Variants in PPM1E observed in about 807,000 individuals in gnomAD.
PPM1E encodes the protein protein phosphatase 1E.
PPM1E carries 20 observed loss-of-function variants against 65.9 expected under a neutral mutation model. The observed-to-expected ratio is 0.30, with a 90% CI of 0.21 to 0.44. PPM1E has a LOEUF of 0.44. Ranked by LOEUF, PPM1E falls within the 20% of genes least tolerant of loss-of-function variation. The probability of loss-of-function intolerance (pLI) is 1.00; values close to 1 mark genes in which losing one functional copy is unlikely to be tolerated. For missense variants in PPM1E, 713 were observed against 953.1 expected (o/e 0.75, Z 3.32); for synonymous variants, 352 against 374.9 (o/e 0.94, Z 0.70).
At chr17:58,818,817 T>G (rs1194442028) in intron 1 of PPM1E, among the ~76,000 whole-genome samples, 1 of 152,236 alleles carries the variant, frequency 6.6e-6, no homozygotes, top group African/African-American at 2.4e-5. Context: ...GTGATAGTGC[T>G]TGGTACATAA....
At chr17:58,769,920 A>G (rs975235421) in intron 1 of PPM1E, among the ~76,000 whole-genome samples, 30 of 152,138 alleles carry the variant, frequency 2.0e-4, no homozygotes, top group African/African-American at 7.2e-4. Context: ...CCAGCTATTC[A>G]GGAGGTTGAG....
chr17:58,966,469 A>G (rs1175090439), intron 3 of PPM1E: 3 of 240,454 alleles, frequency 1.2e-5, no homozygotes, highest in African/African-American at 4.7e-5. Context: ...GTATAATCAA[A>G]TGGTGTATTA....
intron 1 of PPM1E, among the ~76,000 whole-genome samples, chr17:58,822,429 C>G (rs2050490874): frequency 6.6e-6 from 1 of 151,638 alleles, no homozygotes; most frequent in African/African-American, 2.4e-5. Flanking sequence ...TACCAGCTGA[C>G]TTCTGATTCT....
At chr17:58,974,644 T>C (rs1045450222) in intron 6 of PPM1E, among the ~76,000 whole-genome samples, 1 of 152,234 alleles carries the variant, frequency 6.6e-6, no homozygotes, top group Non-Finnish European at 1.5e-5. Context: ...GTACATTACA[T>C]GTATACTGCA....
chr17:58,908,150 C>T (rs1397098211), intron 1 of PPM1E, among the ~76,000 whole-genome samples: 2 of 151,750 alleles, frequency 1.3e-5, no homozygotes, highest in Non-Finnish European at 2.9e-5. Context: ...GGCACGATCT[C>T]AGCTCACTGC....
chr17:58,973,428 A>G (rs1360862637), intron 6 of PPM1E, among the ~76,000 whole-genome samples: 3 of 151,694 alleles, frequency 2.0e-5, no homozygotes, highest in Admixed American at 6.6e-5. Context: ...AAAAAAAAAA[A>G]AGAGAACCAT....
intron 1 of PPM1E, among the ~76,000 whole-genome samples, chr17:58,803,547 A>G (rs2050278379): frequency 6.6e-6 from 1 of 152,214 alleles, no homozygotes; most frequent in Non-Finnish European, 1.5e-5. Flanking sequence ...ATTTCAAGCC[A>G]GATAATTCTT....
intron 1 of PPM1E, among the ~76,000 whole-genome samples, chr17:58,837,588 C>G (rs1408385484): frequency 6.6e-6 from 1 of 151,250 alleles, no homozygotes; most frequent in Non-Finnish European, 1.5e-5. Flanking sequence ...ACCTCTGCCT[C>G]CCAGGTACAA....
intron 1 of PPM1E, among the ~76,000 whole-genome samples, chr17:58,821,255 C>T (rs555958730): frequency 2.0e-5 from 3 of 152,146 alleles, no homozygotes; most frequent in African/African-American, 4.8e-5. Flanking sequence ...GGACTACAGG[C>T]GCCCGCCAAC....
chr17:58,936,817 A>C (rs956801375), intron 1 of PPM1E, among the ~76,000 whole-genome samples: 3 of 152,220 alleles, frequency 2.0e-5, no homozygotes, highest in Non-Finnish European at 4.4e-5. Context: ...ATGCAAATTA[A>C]ATGTTTTTAT....
At chr17:58,836,466 A>G (rs2050657381) in intron 1 of PPM1E, among the ~76,000 whole-genome samples, 1 of 149,930 alleles carries the variant, frequency 6.7e-6, no homozygotes, top group African/African-American at 2.5e-5. Context: ...TACAAAAAAA[A>G]AATTTTTTTT....
chr17:58,923,521 A>T (rs2051781577), intron 1 of PPM1E, among the ~76,000 whole-genome samples: 1 of 151,244 alleles, frequency 6.6e-6, no homozygotes, highest in South Asian at 2.1e-4. Context: ...CAAGGTGGAC[A>T]GATCACCTAA....
At chr17:58,904,938 C>T (rs1187763859) in intron 1 of PPM1E, among the ~76,000 whole-genome samples, 3 of 151,682 alleles carry the variant, frequency 2.0e-5, no homozygotes, top group Non-Finnish European at 2.9e-5. Context: ...GCAGGAGAAT[C>T]GCTTGAACCC....
In PPM1E at chr17:58,878,581, G is replaced by A. The variant is rs1262635310; in HGVS notation, c.465-77068G>A. On this transcript the variant is annotated intron_variant, in intron 1 of 6. Coordinates refer to ENST00000308249, the MANE Select transcript of PPM1E (RefSeq NM_014906.5). ...CATTTAAAAGCTAAGAATATTTTAT[G>A]AATTGGAGGATTCGTTTAGAGTATT... Among the ~76,000 whole-genome samples, 5 of 149,422 alleles carry A rather than the reference G, an allele frequency of 3.3e-5. No individual in the cohort carries two copies. In the East Asian group the frequency reaches 1.0e-3, roughly 31 times the overall value.
At chr17:58,887,219 C>T (rs1386980148) in intron 1 of PPM1E, among the ~76,000 whole-genome samples, 1 of 133,560 alleles carries the variant, frequency 7.5e-6, no homozygotes, top group Non-Finnish European at 1.5e-5. Flanking sequence ...GGCTGGAGTG[C>T]AGTGGTGCAA....
chr17:58,790,583 G>T lies in PPM1E; in HGVS notation c.464+34122G>T, dbSNP rs558110793. Among the ~76,000 whole-genome samples the T allele has an allele frequency of 2.5e-4, 38 of 152,254 alleles. No individual in the cohort carries two copies. The South Asian group carries it at 6.6e-3, about 27-fold the overall frequency. ...TGGAACTTTGAGGCTAGACCTTAAG[G>T]CTGTAAAGCTTGTGTCTGGGTCTCT... On this transcript the variant is annotated intron_variant, in intron 1 of 6. Coordinates refer to ENST00000308249, the MANE Select transcript of PPM1E (RefSeq NM_014906.5).
chr17:58,924,778 C>T (rs2051803678), intron 1 of PPM1E, among the ~76,000 whole-genome samples: 1 of 138,850 alleles, frequency 7.2e-6, no homozygotes, highest in Non-Finnish European at 1.5e-5. Context: ...CTCCCTGTGT[C>T]CATGTGTTCT....
chr17:58,765,595 A>G (rs979956099), intron 1 of PPM1E, among the ~76,000 whole-genome samples: 3 of 152,178 alleles, frequency 2.0e-5, no homozygotes, highest in African/African-American at 4.8e-5. Flanking sequence ...GATTGAGAGT[A>G]TTCTTAATTC....
intron 1 of PPM1E, among the ~76,000 whole-genome samples, chr17:58,886,178 C>T (rs2051263755): frequency 6.6e-6 from 1 of 152,130 alleles, no homozygotes; most frequent in African/African-American, 2.4e-5. Context: ...AGGATTTAAA[C>T]CTTTTAAATT....
Sources: gnomAD v4.1 joint callset for allele counts (sites outside exome capture counted in the v4.1 genomes callset) on GRCh38, gnomAD v4.1.1 for gene constraint, MANE v1.5 for transcripts, NCBI Gene and HGNC (gene_info 2026-07-23, HGNC 2026-07-21) for gene names.